Variants in COA1 observed in about 807,000 individuals in gnomAD.
COA1 encodes cytochrome c oxidase assembly factor 1.
In COA1, 13 loss-of-function variants were observed where a neutral mutation model predicts 16.0. The observed-to-expected ratio is 0.81, with a 90% CI of 0.53 to 1.29. The LOEUF (loss-of-function observed/expected upper bound fraction) is 1.29. Among genes scored for constraint, COA1 ranks in the 50% most tolerant of loss-of-function variants. COA1 has a pLI of 0.00. For missense variants in COA1, 179 were observed against 177.0 expected, an observed-to-expected ratio of 1.01 and a Z score of -0.06; for synonymous variants, 65 against 65.7, an observed-to-expected ratio of 0.99 and a Z score of 0.05.
At chr7:43,653,008 G>A (rs1224926769) in intron 1 of COA1, among the ~76,000 whole-genome samples, 3 of 152,104 alleles carry the variant, frequency 2.0e-5, no homozygotes, top group Non-Finnish European at 4.4e-5. Context: ...CAAAAATAAA[G>A]ATTAAAACTT....
chr7:43,619,318 T>G (rs2083633380), intron 6 of COA1, among the ~76,000 whole-genome samples: 1 of 152,100 alleles, frequency 6.6e-6, no homozygotes, highest in African/African-American at 2.4e-5. Flanking sequence ...GCAAGGAGAT[T>G]CAGGATCATG....
At chr7:43,644,817 G>GAGAGAGAGAGAGAGAGATAC (rs1245137600) in intron 4 of COA1, among the ~76,000 whole-genome samples, 1 of 126,614 alleles carries the variant, frequency 7.9e-6, no homozygotes, top group Non-Finnish European at 1.9e-5. Flanking sequence ...GAGAGAGAGA[G>GAGAGAGAGAGAGAGAGATAC]AGAGAGAGAG....
chr7:43,635,913 G>C (rs542779483), downstream of COA1, among the ~76,000 whole-genome samples: 12 of 152,096 alleles, frequency 7.9e-5, no homozygotes, highest in African/African-American at 2.9e-4. Context: ...TATAGTAGGG[G>C]GTCTAATTTC....
At chr7:43,636,541 A>G (rs2085907541), downstream of COA1, among the ~76,000 whole-genome samples, 1 of 152,244 alleles carries the variant, frequency 6.6e-6, no homozygotes, top group Non-Finnish European at 1.5e-5. Flanking sequence ...AAAACCCTTC[A>G]GAACTGCCGC....
chr7:43,695,727 T>C lies in COA1; in HGVS notation c.-39+33702A>G, dbSNP rs897245270. ...CTGGTAAAACCAAGAGTGACCAACA[T>C]CTGGAACACAGTTTTATATACCACT... is the stretch of plus-strand genomic sequence containing the variant. On this transcript the variant is annotated intron_variant, in intron 1 of 5. Transcript: ENST00000223336. Among the ~76,000 whole-genome samples, 14 of 152,252 alleles carry C rather than the reference T, an allele frequency of 9.2e-5. No homozygotes were observed. In the East Asian group the frequency reaches 2.7e-3, roughly 29 times the overall value.
At chr7:43,657,833 T>C (rs1177587586) in intron 1 of COA1, among the ~76,000 whole-genome samples, 1 of 152,038 alleles carries the variant, frequency 6.6e-6, no homozygotes, top group Admixed American at 6.5e-5. Context: ...ACAACTTAAT[T>C]TGAAAATGGG....
At chr7:43,644,743 TAGATAGATAGATAGATAGGCAGGCAGGC>T (rs781515757) in intron 4 of COA1, among the ~76,000 whole-genome samples, 3 of 123,332 alleles carry the variant, frequency 2.4e-5, no homozygotes, top group African/African-American at 9.3e-5. Flanking sequence ...GATAGATAGA[TAGATAGATAGATAGATAGGCAGGCAGGC>T]AGGCAGGCAG....
At chr7:43,670,534 C>T (rs1001425398) in intron 1 of COA1, among the ~76,000 whole-genome samples, 1 of 152,104 alleles carries the variant, frequency 6.6e-6, no homozygotes, top group African/African-American at 2.4e-5. Context: ...CCACTAAACA[C>T]GTACTATATC....
At chr7:43,658,103 G>C (rs182611771) in intron 1 of COA1, among the ~76,000 whole-genome samples, 1 of 151,960 alleles carries the variant, frequency 6.6e-6, no homozygotes, top group East Asian at 1.9e-4. Context: ...AAGGCCCGGC[G>C]CTGTGGCTCA....
chr7:43,710,271 C>A (rs1343886269), intron 1 of COA1, among the ~76,000 whole-genome samples: 1 of 142,888 alleles, frequency 7.0e-6, no homozygotes, highest in East Asian at 2.1e-4. Flanking sequence ...ATCACTTGAA[C>A]CTGGGAGGAG....
At chr7:43,713,908 G>A (rs1413122366) in intron 1 of COA1, among the ~76,000 whole-genome samples, 2 of 151,844 alleles carry the variant, frequency 1.3e-5, no homozygotes, top group African/African-American at 2.4e-5. Flanking sequence ...GCATGGTGGC[G>A]CACACCCATA....
intron 1 of COA1, among the ~76,000 whole-genome samples, chr7:43,710,828 G>A (rs1273788981): frequency 6.6e-6 from 1 of 152,160 alleles, no homozygotes; most frequent in Non-Finnish European, 1.5e-5. Flanking sequence ...GCTGGTATCT[G>A]TGATATTTGT....
At chr7:43,646,715 G>T (rs1473206184) in intron 3 of COA1, 1 of 429,878 alleles carries the variant, frequency 2.3e-6, no homozygotes, top group Non-Finnish European at 4.7e-6. Context: ...TCATTCCTGG[G>T]AACGCTCATC....
chr7:43,719,593 G>C lies in COA1; in HGVS notation c.-39+9836C>G, dbSNP rs1346680714. Among the ~76,000 whole-genome samples, 9 of 152,254 alleles carry C rather than the reference G, an allele frequency of 5.9e-5. No individual in the cohort carries two copies. The East Asian group carries it at 1.7e-3, about 29-fold the overall frequency. On this transcript the variant is annotated intron_variant, in intron 1 of 5. Transcript: ENST00000223336. Reference sequence around the variant, plus strand: ...GAGTTCTAAATTTCCTTTTCTATTAGAACATAACTTTCCCCACACACCGAA... The same window carrying C: ...GAGTTCTAAATTTCCTTTTCTATTACAACATAACTTTCCCCACACACCGAA...
chr7:43,688,123 TA>T (rs2094123241), intron 1 of COA1, among the ~76,000 whole-genome samples: 1 of 152,228 alleles, frequency 6.6e-6, no homozygotes, highest in Admixed American at 6.5e-5. Flanking sequence ...TGTGGAACTG[TA>T]AGTCCAATTA....
chr7:43,658,316 G>A (rs1484365462), intron 1 of COA1, among the ~76,000 whole-genome samples: 4 of 151,620 alleles, frequency 2.6e-5, no homozygotes, highest in South Asian at 4.2e-4. Context: ...CCGAGATTGC[G>A]CCACTGCACT....
chr7:43,617,512 G>T (rs1416978260), intron 6 of COA1, among the ~76,000 whole-genome samples: 2 of 152,178 alleles, frequency 1.3e-5, no homozygotes, highest in East Asian at 3.9e-4. Flanking sequence ...TGGCCAAGAT[G>T]ATTGTTAGTG....
At chr7:43,634,543 TG>T (rs769011774), downstream of COA1, among the ~76,000 whole-genome samples, 1 of 152,102 alleles carries the variant, frequency 6.6e-6, no homozygotes, top group Admixed American at 6.5e-5. Context: ...ACTGACACTA[TG>T]GGGGTGGGCC....
intron 1 of COA1, among the ~76,000 whole-genome samples, chr7:43,711,705 C>T (rs534145814): frequency 6.6e-6 from 1 of 152,306 alleles, no homozygotes; most frequent in Admixed American, 6.5e-5. Context: ...TGGCCTACTG[C>T]TCCTAGGCTA....
Sources: allele counts gnomAD v4.1 joint callset (sites outside exome capture counted in the v4.1 genomes callset), GRCh38; gene constraint gnomAD v4.1.1; transcripts MANE v1.5; gene names NCBI Gene and HGNC (gene_info 2026-07-23, HGNC 2026-07-21).